Variants in SH3BGR observed in about 807,000 individuals in gnomAD.
The protein encoded by SH3BGR is SH3 domain-binding glutamic acid-rich protein.
A neutral mutation model predicts 24.5 loss-of-function variants in SH3BGR; 29 were observed. That is an observed-to-expected ratio of 1.18 (90% confidence interval 0.88 to 1.61). SH3BGR has a LOEUF of 1.61. Among genes scored for constraint, SH3BGR ranks in the 40% most tolerant of loss-of-function variants. SH3BGR has a pLI of 0.00. For missense variants in SH3BGR, 162 were observed against 205.8 expected (o/e 0.79, Z 1.30); for synonymous variants, 55 against 65.7 (o/e 0.84, Z 0.79).
chr21:39,493,047 T>C (rs952386958), intron 3 of SH3BGR, among the ~76,000 whole-genome samples: 5 of 152,196 alleles, frequency 3.3e-5, no homozygotes, highest in Admixed American at 1.3e-4. Flanking sequence ...ATTGTTAATA[T>C]TTTCTCCCAT....
chr21:39,476,121 T>G (rs1254854947), intron 3 of SH3BGR, among the ~76,000 whole-genome samples: 1 of 151,230 alleles, frequency 6.6e-6, no homozygotes, highest in East Asian at 1.9e-4. Flanking sequence ...AGAGTGGGGG[T>G]GGAGGTGGGA....
At chr21:39,468,116 C>T (rs372152882) in intron 2 of SH3BGR, among the ~76,000 whole-genome samples, 5 of 152,288 alleles carry the variant, frequency 3.3e-5, no homozygotes, top group South Asian at 2.1e-4. Flanking sequence ...AGACCTAGAT[C>T]GTTCAGCACA....
intron 4 of SH3BGR, among the ~76,000 whole-genome samples, chr21:39,502,959 CA>C (rs2078520675): frequency 6.6e-6 from 1 of 151,646 alleles, no homozygotes; most frequent in African/African-American, 2.4e-5. Flanking sequence ...CCAGTCTGGC[CA>C]CCTCCGTCTT....
At chr21:39,451,028 C>G (rs936869129), upstream of SH3BGR, among the ~76,000 whole-genome samples, 6 of 151,986 alleles carry the variant, frequency 3.9e-5, no homozygotes, top group Non-Finnish European at 7.4e-5. Flanking sequence ...AGTATGTTAC[C>G]CAGACTGGTC....
At chr21:39,505,718 T>C (rs2078570638) in intron 4 of SH3BGR, among the ~76,000 whole-genome samples, 1 of 152,052 alleles carries the variant, frequency 6.6e-6, no homozygotes, top group African/African-American at 2.4e-5. Flanking sequence ...TGAGCTGAGA[T>C]TGCGCCATTG....
At chr21:39,451,862 G>T, upstream of SH3BGR, 1 of 1,594,136 alleles carries the variant, frequency 6.3e-7, no homozygotes, top group Non-Finnish European at 8.5e-7. Flanking sequence ...ATATTTTCCT[G>T]ACAGATCCCA....
chr21:39,504,901 A>C (rs1188542552), intron 4 of SH3BGR, among the ~76,000 whole-genome samples: 1 of 152,116 alleles, frequency 6.6e-6, no homozygotes, highest in African/African-American at 2.4e-5. Context: ...TGGCATAATC[A>C]TAGTGGGCTC....
intron 3 of SH3BGR, among the ~76,000 whole-genome samples, chr21:39,480,058 G>C (rs1246706732): frequency 1.3e-5 from 2 of 152,064 alleles, no homozygotes; most frequent in Non-Finnish European, 2.9e-5. Flanking sequence ...TCCTGAAAAG[G>C]AACTATCATC....
chr21:39,457,244 C>A (rs1469047093), intron 1 of SH3BGR, among the ~76,000 whole-genome samples: 4 of 140,580 alleles, frequency 2.8e-5, no homozygotes, highest in South Asian at 4.4e-4. Flanking sequence ...ATATAAAAAT[C>A]TTATTATATT....
At chr21:39,479,407 G>A (rs983012807) in intron 3 of SH3BGR, among the ~76,000 whole-genome samples, 1 of 151,234 alleles carries the variant, frequency 6.6e-6, no homozygotes, top group Non-Finnish European at 1.5e-5. Flanking sequence ...TGATGGTGGT[G>A]ATGGTGGTAG....
chr21:39,500,052 C>T (rs2078467841), intron 4 of SH3BGR, 137 bp downstream of exon 4: 3 of 645,410 alleles, frequency 4.6e-6, no homozygotes, highest in Non-Finnish European at 8.3e-6. Context: ...AGGGAGGAAG[C>T]AAGTAATTTC....
At position 39,511,743 on chromosome 21, in the gene SH3BGR, G is replaced by GTA. The variant is rs2078699701; in HGVS notation, c.499_500insTA (p.Gly167ValfsTer47). The GTA allele has an allele frequency of 3.2e-6, 5 of 1,562,952 alleles. No homozygotes were observed. The highest frequency in any genetic ancestry group is 4.3e-6 in the Non-Finnish European group (5 of 1,156,874). ...CGAGGAGGAGGAAGAAACTGCAGAAGGAGAAGAGCCTGGAGAAGACGAAGA... is the reference window on the plus strand; with the variant it reads ...CGAGGAGGAGGAAGAAACTGCAGAAGTAGAGAAGAGCCTGGAGAAGACGAAGA... On this transcript the variant is annotated frameshift_variant, in exon 6 of 7. Coordinates refer to ENST00000333634, the MANE Select transcript of SH3BGR (RefSeq NM_007341.3). LOFTEE classifies it high-confidence loss of function. The surrounding 1 kb of genome is among the most constrained non-coding windows in gnomAD (Gnocchi z 4.2).
At chr21:39,481,424 A>G (rs2078129149) in intron 3 of SH3BGR, among the ~76,000 whole-genome samples, 1 of 152,236 alleles carries the variant, frequency 6.6e-6, no homozygotes, top group East Asian at 1.9e-4. Context: ...GATGTCAAAG[A>G]AAATATATGG....
chr21:39,466,069 A>G (rs2077836808), intron 2 of SH3BGR, among the ~76,000 whole-genome samples: 1 of 152,200 alleles, frequency 6.6e-6, no homozygotes, highest in Non-Finnish European at 1.5e-5. Context: ...ATATATATGT[A>G]GGATAAATTC....
intron 4 of SH3BGR, among the ~76,000 whole-genome samples, chr21:39,500,699 A>G (rs928512928): frequency 2.6e-5 from 4 of 152,026 alleles, no homozygotes; most frequent in Middle Eastern, 3.4e-3. Flanking sequence ...AGCAAAGACT[A>G]TTTTTCAAAC....
intron 1 of SH3BGR, among the ~76,000 whole-genome samples, chr21:39,459,670 G>A (rs1414702906): frequency 6.6e-6 from 1 of 151,996 alleles, no homozygotes; most frequent in Non-Finnish European, 1.5e-5. Context: ...GGGACTACAG[G>A]CATGCACCAC....
At chr21:39,486,627 G>A (rs1350542403) in intron 3 of SH3BGR, among the ~76,000 whole-genome samples, 1 of 152,206 alleles carries the variant, frequency 6.6e-6, no homozygotes, top group Non-Finnish European at 1.5e-5. Flanking sequence ...GAAGGATCAA[G>A]TTAACATTTA....
At chr21:39,463,211 T>C (rs2077784277) in intron 2 of SH3BGR, among the ~76,000 whole-genome samples, 1 of 152,228 alleles carries the variant, frequency 6.6e-6, no homozygotes, top group Non-Finnish European at 1.5e-5. Flanking sequence ...AATTGATTTG[T>C]AGAAATAAAG....
intron 4 of SH3BGR, among the ~76,000 whole-genome samples, chr21:39,508,420 AC>A (rs1345269875): frequency 1.3e-5 from 2 of 152,144 alleles, no homozygotes; most frequent in East Asian, 3.9e-4. Flanking sequence ...CACAGTAGAG[AC>A]CTATTTGAGC....
Sources: allele counts gnomAD v4.1 joint callset (sites outside exome capture counted in the v4.1 genomes callset), GRCh38; gene constraint gnomAD v4.1.1; non-coding constraint Gnocchi (gnomAD v3.1); transcripts MANE v1.5; gene names NCBI Gene and HGNC (gene_info 2026-07-23, HGNC 2026-07-21).